Variants in OTUD7A observed in about 807,000 individuals in gnomAD.
The protein encoded by OTUD7A is OTU deubiquitinase 7A.
A neutral mutation model predicts 65.7 loss-of-function variants in OTUD7A; 12 were observed. That is an observed-to-expected ratio of 0.18 (90% CI 0.12 to 0.30). The LOEUF (loss-of-function observed/expected upper bound fraction) is 0.30, where lower values mean the gene tolerates loss of function less well. Among genes scored for constraint, OTUD7A ranks in the 10% least tolerant of loss-of-function variants. The pLI, the probability that OTUD7A is intolerant of heterozygous loss-of-function variation, is 1.00. For synonymous variants in OTUD7A, 641 were observed against 586.3 expected (o/e 1.09, Z -1.35); for missense variants, 1,148 against 1,304.8 (o/e 0.88, Z 1.85).
At chr15:31,727,967 G>A (rs1476334932) in intron 1 of OTUD7A, among the ~76,000 whole-genome samples, 4 of 152,098 alleles carry the variant, frequency 2.6e-5, no homozygotes, top group Admixed American at 6.5e-5. Flanking sequence ...CAGTAGCCAC[G>A]TCTTTAAATA....
chr15:31,496,057 C>A, intron 10 of OTUD7A, among the ~76,000 whole-genome samples: 1 of 139,502 alleles, frequency 7.2e-6, no homozygotes, highest in Admixed American at 7.1e-5. Flanking sequence ...CAGAATGAAA[C>A]CCCATCTCAA....
At chr15:31,818,391 G>A (rs1896602291) in intron 1 of OTUD7A, among the ~76,000 whole-genome samples, 1 of 152,092 alleles carries the variant, frequency 6.6e-6, no homozygotes, top group African/African-American at 2.4e-5. Context: ...TTTATAGGGA[G>A]AAAAAAATAG....
intron 1 of OTUD7A, among the ~76,000 whole-genome samples, chr15:31,808,132 C>CAAAA (rs1291191317): frequency 3.9e-5 from 4 of 103,128 alleles, no homozygotes; most frequent in East Asian, 7.7e-4. Context: ...CACACACACA[C>CAAAA]ACACAAACAA....
At chr15:31,773,114 G>A (rs915328571) in intron 1 of OTUD7A, among the ~76,000 whole-genome samples, 2 of 152,132 alleles carry the variant, frequency 1.3e-5, no homozygotes, top group Non-Finnish European at 2.9e-5. Flanking sequence ...TTTAATGAAC[G>A]ATTATTATTT....
At position 31,801,155 on chromosome 15, in the gene OTUD7A, A is replaced by G. The variant is rs150051825; in HGVS notation, c.-100+69352T>C. 5.2e-3 allele frequency among the ~76,000 whole-genome samples: 792 copies of G among 152,276 alleles called. 10 individuals are homozygous for G. The highest frequency in any genetic ancestry group is 0.018 in the African/African-American group (762 of 41,536). The stretch of plus-strand genomic sequence containing the variant: ...ACTGCAACTAGTCCTCCTAATGAAC[A>G]ATCACTAGCACATTCAACACACTCA... On this transcript the variant is annotated intron_variant, in intron 1 of 12. Transcript: ENST00000307050.
intron 3 of OTUD7A, among the ~76,000 whole-genome samples, chr15:31,652,581 A>C (rs935953451): frequency 3.3e-5 from 5 of 152,242 alleles, no homozygotes; most frequent in African/African-American, 1.2e-4. Flanking sequence ...ACAAATCACA[A>C]ATCTGAACAA....
intron 4 of OTUD7A, among the ~76,000 whole-genome samples, chr15:31,566,875 G>T (rs993201735): frequency 2.6e-5 from 4 of 152,114 alleles, no homozygotes; most frequent in South Asian, 2.1e-4. Context: ...GCTTCCTGAG[G>T]CCTCCCCAGA....
At chr15:31,530,603 T>C (rs566663447) in intron 6 of OTUD7A, 104 bp downstream of exon 6, 5 of 1,042,724 alleles carry the variant, frequency 4.8e-6, no homozygotes, top group Admixed American at 4.9e-5. Context: ...GGTGACTCTA[T>C]TTAGTGTATG....
At position 31,767,884 on chromosome 15, in the gene OTUD7A, C is replaced by T. The variant is rs183388529; in HGVS notation, c.-100+102623G>A. 1.6e-5 allele frequency: 22 copies of T among 1,387,576 alleles called. No homozygotes were observed. The East Asian group carries it at 2.5e-4, about 16-fold the overall frequency. The allele number at this position is 1,387,576 out of a possible 1,614,324, so 86.0% of individuals were successfully genotyped here. A position where few individuals can be genotyped will look rare whatever the true frequency, so the allele number is the denominator to read the frequency against. ...TTCGTGGTAGAGTTTTAAGTGGCAACGTTGCAGGAAATCTGAAGAGCTGGT... is the reference window on the plus strand; with the variant it reads ...TTCGTGGTAGAGTTTTAAGTGGCAATGTTGCAGGAAATCTGAAGAGCTGGT... On this transcript the variant is annotated intron_variant, in intron 1 of 12. Transcript: ENST00000307050.
At chr15:31,648,255 C>A (rs1416208514) in intron 3 of OTUD7A, among the ~76,000 whole-genome samples, 8 of 152,096 alleles carry the variant, frequency 5.3e-5, no homozygotes, top group Admixed American at 5.2e-4. Flanking sequence ...AGGTACCTAG[C>A]CAGCACTGGG....
chr15:31,623,681 G>A (rs1174689895), intron 3 of OTUD7A, among the ~76,000 whole-genome samples: 3 of 152,240 alleles, frequency 2.0e-5, no homozygotes, highest in Non-Finnish European at 4.4e-5. Context: ...TGCTTGTCTA[G>A]GAAAGGGAAT....
At chr15:31,617,174 T>C (rs1890614708) in intron 3 of OTUD7A, among the ~76,000 whole-genome samples, 1 of 152,130 alleles carries the variant, frequency 6.6e-6, no homozygotes, top group South Asian at 2.1e-4. Context: ...CAAAAAATGG[T>C]TCTTTGGAAA....
At chr15:31,511,087 A>AACAC (rs1555391710) in intron 8 of OTUD7A, among the ~76,000 whole-genome samples, 1 of 41,610 alleles carries the variant, frequency 2.4e-5, no homozygotes, top group South Asian at 4.7e-4. Context: ...ATCTATATGT[A>AACAC]ACATACATAT....
chr15:31,860,637 A>ATATATATATATATATATATATG (rs1296261170), intron 1 of OTUD7A, among the ~76,000 whole-genome samples: 5 of 127,434 alleles, frequency 3.9e-5, no homozygotes, highest in Admixed American at 8.2e-5. Flanking sequence ...ATATATATAT[A>ATATATATATATATATATATATG]TATATATGTA....
rs74010664 is a variant in OTUD7A, at chr15:31,494,116, A to C, written c.1172-6550T>G. On this transcript the variant is annotated intron_variant, in intron 10 of 12. Transcript: ENST00000307050. ...GGCCTAAAGTTTATATGTAGATAAG[A>C]TATTTGGATTGGTCATTGGTCTATA... Among the ~76,000 whole-genome samples, 1,186 of 152,344 alleles carry C rather than the reference A, an allele frequency of 7.8e-3. 12 individuals are homozygous for C. The highest frequency in any genetic ancestry group is 0.027 in the African/African-American group (1,138 of 41,582).
intron 1 of OTUD7A, among the ~76,000 whole-genome samples, chr15:31,773,035 T>G (rs968856783): frequency 6.6e-6 from 1 of 152,236 alleles, no homozygotes; most frequent in Non-Finnish European, 1.5e-5. Context: ...ATTACAGATA[T>G]GTATATTTTA....
intron 1 of OTUD7A, among the ~76,000 whole-genome samples, chr15:31,773,270 C>A (rs1895288270): frequency 6.6e-6 from 1 of 152,240 alleles, no homozygotes. Flanking sequence ...ATCTTCCACA[C>A]TCAGTCTAGT....
intron 1 of OTUD7A, among the ~76,000 whole-genome samples, chr15:31,819,847 A>G (rs925165821): frequency 6.6e-6 from 1 of 152,026 alleles, no homozygotes; most frequent in African/African-American, 2.4e-5. Context: ...GTAATATCAA[A>G]TATATTCGAT....
intron 3 of OTUD7A, among the ~76,000 whole-genome samples, chr15:31,615,735 A>G (rs1890565814): frequency 1.3e-5 from 2 of 152,206 alleles, no homozygotes; most frequent in African/African-American, 4.8e-5. Context: ...AATCATTCAG[A>G]CTCTCTTCTC....
Sources: gnomAD v4.1 joint callset for allele counts (sites outside exome capture counted in the v4.1 genomes callset) on GRCh38, gnomAD v4.1.1 for gene constraint, MANE v1.5 for transcripts, NCBI Gene and HGNC (gene_info 2026-07-23, HGNC 2026-07-21) for gene names.